NIPBL: variants seen among roughly 807,000 people sequenced by gnomAD.
The protein encoded by NIPBL is NIPBL cohesin loading factor.
Under a neutral mutation model 321.8 loss-of-function variants are expected in NIPBL, and 19 were observed. The ratio of observed to expected loss-of-function variants is 0.06; its 90% confidence interval spans 0.04 to 0.09. The LOEUF is 0.09. Among genes scored for constraint, NIPBL ranks in the 10% least tolerant of loss-of-function variants. The pLI is 1.00. For missense variants in NIPBL, 2,210 were observed against 3,327.0 expected, an observed-to-expected ratio of 0.66 and a Z score of 8.26; for synonymous variants, 1,106 against 1,114.1, an observed-to-expected ratio of 0.99 and a Z score of 0.14.
chr5:36,975,725 A>C, intron 8 of NIPBL, 51 bp from the exon 9 acceptor site: 2 of 1,561,050 alleles, frequency 1.3e-6, no homozygotes, highest in Non-Finnish European at 1.8e-6. Flanking sequence ...TCACATTGTA[A>C]GAAAATGTGA....
intron 1 of NIPBL, chr5:36,885,358 C>T: frequency 4.3e-6 from 2 of 466,386 alleles, no homozygotes; most frequent in South Asian, 3.4e-5. Context: ...TGTCCTGTTC[C>T]ACCAGCTTCC....
chr5:36,957,821 A>G (rs1413981265), intron 3 of NIPBL, among the ~76,000 whole-genome samples: 1 of 152,036 alleles, frequency 6.6e-6, no homozygotes, highest in Non-Finnish European at 1.5e-5. Context: ...TGTCTCTACT[A>G]AAAATACAAA....
At chr5:36,963,987 C>G (rs1741921205) in intron 6 of NIPBL, among the ~76,000 whole-genome samples, 1 of 152,080 alleles carries the variant, frequency 6.6e-6, no homozygotes, top group Non-Finnish European at 1.5e-5. Flanking sequence ...GTGTGTAAAA[C>G]AGAATGTAAA....
Position 37,044,636 on chromosome 5 carries a change from G to A in NIPBL, c.6250G>A (p.Val2084Ile). The part of the protein sequence containing the change: ...MKLIIKYGMT[V>I]VQHCVSCLGA... ...TCTAAACATTTTCTATATCTTTTAG[G>A]TAGTGCAACATTGTGTGAGCTGTCT... The change falls in exon 36 of 47, where the codon GTA becomes ATA. Residue 2084 changes from valine (V) to isoleucine (I), a missense_variant and splice_region_variant. Val to Ile is a conservative substitution (Grantham distance 29). Around this residue, in one of 14 missense-constraint regions of NIPBL, gnomAD observed 73 missense variants for 222.3 expected, o/e 0.33. Coordinates refer to ENST00000282516, the MANE Select transcript of NIPBL (RefSeq NM_133433.4). 6.2e-7 allele frequency: 1 copy of A among 1,612,066 alleles called. No individual in the cohort carries two copies. Among genetic ancestry groups the A allele is most frequent in the Non-Finnish European group, 8.5e-7 (1 of 1,178,470 alleles).
At chr5:37,019,662 T>A (rs951449772) in intron 25 of NIPBL, among the ~76,000 whole-genome samples, 16 of 152,204 alleles carry the variant, frequency 1.1e-4, no homozygotes, top group African/African-American at 3.9e-4. Flanking sequence ...AAGTGATCTT[T>A]GAGGCTAGGC....
chr5:36,931,524 C>G (rs1343853923), intron 1 of NIPBL, among the ~76,000 whole-genome samples: 1 of 151,850 alleles, frequency 6.6e-6, no homozygotes. Flanking sequence ...TTCCTTGTTG[C>G]CCAGGTTGCT....
chr5:37,024,357 TA>T (rs1479912951), intron 29 of NIPBL, among the ~76,000 whole-genome samples: 1 of 152,230 alleles, frequency 6.6e-6, no homozygotes, highest in Non-Finnish European at 1.5e-5. Flanking sequence ...GTCCAGGGCT[TA>T]ACTATAAAAT....
At chr5:36,979,364 T>C (rs996933541) in intron 9 of NIPBL, among the ~76,000 whole-genome samples, 2 of 151,846 alleles carry the variant, frequency 1.3e-5, no homozygotes, top group Non-Finnish European at 2.9e-5. Flanking sequence ...GTAAATGAGA[T>C]TGAGTTCTTG....
chr5:36,985,877 T>C lies in NIPBL; in HGVS notation c.2697T>C (p.Asp899=). ...RPDSPRVKQG[D]SNKSRSDKLG... ...ACAGTCCTCGTGTTAAACAAGGAGA[T>C]TCTAATAAATCAAGATCTGATAAAC... is the stretch of plus-strand genomic sequence containing the variant. The change falls in exon 10 of 47, where the codon GAT becomes GAC. Residue 899 remains aspartate (D), a synonymous_variant. Transcript: ENST00000282516. 1 of 1,613,822 alleles carries C rather than the reference T, an allele frequency of 6.2e-7. No individual in the cohort carries two copies.
chr5:37,002,708 G>C lies in NIPBL; in HGVS notation c.3711G>C (p.Gln1237His), dbSNP rs1490653916. Residue 1237 changes from glutamine to histidine, a missense_variant, in exon 15 of 47, where the codon CAG (glutamine) becomes CAC (histidine). This residue lies in a region of NIPBL where 381 missense variants were observed against 642.3 expected (regional missense o/e 0.59). Transcript: ENST00000282516. The part of the protein sequence containing the change: ...IPQELLLGKH[Q>H]LNELGSESAK... ...AGGAACTGCTCTTAGGAAAACATCA[G>C]CTTAATGAACTTGGCAGTGAATCTG... The C allele has an allele frequency of 6.2e-7, 1 of 1,612,738 alleles. No homozygotes were observed. Among genetic ancestry groups the C allele is most frequent in the Non-Finnish European group, 8.5e-7 (1 of 1,179,208 alleles).
intron 1 of NIPBL, among the ~76,000 whole-genome samples, chr5:36,950,454 A>C (rs998818615): frequency 6.6e-6 from 1 of 152,004 alleles, no homozygotes; most frequent in Admixed American, 6.6e-5. Context: ...TCAAATCAGC[A>C]ACTCTCAGAT....
At chr5:36,941,693 T>A (rs979281450) in intron 1 of NIPBL, among the ~76,000 whole-genome samples, 3 of 152,178 alleles carry the variant, frequency 2.0e-5, no homozygotes, top group Admixed American at 1.3e-4. Flanking sequence ...TACATTTTCT[T>A]TTTAATAATC....
intron 9 of NIPBL, 108 bp downstream of exon 9, chr5:36,976,510 GTCTAC>G (rs1743473311): frequency 2.9e-6 from 3 of 1,033,528 alleles, no homozygotes; most frequent in Non-Finnish European, 4.3e-6. Context: ...TATAATTTAT[GTCTAC>G]TCAAGTACAT....
At chr5:36,948,530 A>G (rs1427372905) in intron 1 of NIPBL, among the ~76,000 whole-genome samples, 2 of 151,934 alleles carry the variant, frequency 1.3e-5, no homozygotes, top group Non-Finnish European at 2.9e-5. Context: ...AAGTTACCAG[A>G]ATCGTATCTT....
At chr5:37,055,931 A>T (rs772140511) in intron 42 of NIPBL, among the ~76,000 whole-genome samples, 1 of 152,098 alleles carries the variant, frequency 6.6e-6, no homozygotes, top group African/African-American at 2.4e-5. Context: ...AGGCAAAGGG[A>T]TTGCTTGAGC....
At chr5:37,020,994 T>C in intron 27 of NIPBL, 117 bp downstream of exon 27, 1 of 854,010 alleles carries the variant, frequency 1.2e-6, no homozygotes, top group South Asian at 1.3e-5. Context: ...ATCATAGATG[T>C]AGTATTTGTT....
intron 5 of NIPBL, 52 bp downstream of exon 5, chr5:36,961,635 C>A: frequency 9.2e-7 from 1 of 1,087,684 alleles, no homozygotes; most frequent in Non-Finnish European, 1.4e-6. Context: ...GGTGAATATG[C>A]TGGTGAATAT....
intron 3 of NIPBL, among the ~76,000 whole-genome samples, chr5:36,956,135 G>A (rs531055692): frequency 5.3e-5 from 8 of 152,022 alleles, no homozygotes; most frequent in African/African-American, 1.7e-4. Flanking sequence ...GGAGGCTGAG[G>A]CAGGAGAATC....
chr5:37,021,461 T>C (rs1431513429), intron 27 of NIPBL, among the ~76,000 whole-genome samples: 1 of 152,052 alleles, frequency 6.6e-6, no homozygotes, highest in Non-Finnish European at 1.5e-5. Flanking sequence ...GGCGGGCAGA[T>C]TACGAGGTCA....
Sources: allele counts gnomAD v4.1 joint callset (sites outside exome capture counted in the v4.1 genomes callset), GRCh38; gene constraint gnomAD v4.1.1; regional missense constraint gnomAD v4.1.1; transcripts MANE v1.5; gene names NCBI Gene and HGNC (gene_info 2026-07-23, HGNC 2026-07-21).